The following LUC7L2 variants were observed in gnomAD, a reference collection of about 807,000 sequenced individuals.
LUC7L2 encodes LUC7 like 2, pre-mRNA splicing factor, also known as putative RNA-binding protein Luc7-like 2.
A neutral mutation model predicts 52.8 loss-of-function variants in LUC7L2; 25 were observed. The ratio of observed to expected loss-of-function variants is 0.47; its 90% CI spans 0.34 to 0.66. The LOEUF (loss-of-function observed/expected upper bound fraction) is 0.66. LUC7L2 is among the 30% of genes least tolerant of loss of function. The pLI, the probability that LUC7L2 is intolerant of heterozygous loss-of-function variation, is 0.01. For synonymous variants in LUC7L2, 144 were observed against 160.9 expected (o/e 0.89, Z 0.80); for missense variants, 328 against 497.8 (o/e 0.66, Z 3.25).
upstream of LUC7L2, chr7:139,359,114 T>C (rs927284941): frequency 2.0e-5 from 3 of 151,800 alleles, no homozygotes; most frequent in African/African-American, 2.4e-5. Flanking sequence ...CTACGAGGGG[T>C]AGAACTGAAG....
chr7:139,365,491 G>T (rs1216624358), intron 1 of LUC7L2, among the ~76,000 whole-genome samples: 1 of 152,156 alleles, frequency 6.6e-6, no homozygotes, highest in African/African-American at 2.4e-5. Context: ...CAATGGCCAT[G>T]AGGTGTCATG....
intron 2 of LUC7L2, among the ~76,000 whole-genome samples, chr7:139,382,811 G>A: frequency 6.6e-6 from 1 of 152,164 alleles, no homozygotes; most frequent in Non-Finnish European, 1.5e-5. Flanking sequence ...TTTATCCCAG[G>A]TGCACCTTTT....
intron 8 of LUC7L2, among the ~76,000 whole-genome samples, chr7:139,414,478 A>T (rs1795501534): frequency 6.6e-6 from 1 of 152,260 alleles, no homozygotes; most frequent in Non-Finnish European, 1.5e-5. Context: ...CGCAGGTTGG[A>T]CAAGCTTGGC....
intron 8 of LUC7L2, chr7:139,416,040 A>AACATAT (rs1795586924): frequency 1.0e-5 from 1 of 97,744 alleles, no homozygotes; most frequent in Non-Finnish European, 2.4e-5. Flanking sequence ...TGAGGTATAA[A>AACATAT]ATATATATAT....
In LUC7L2 at chr7:139,379,549, C is replaced by CTTTTTTTTTTTTTTTT. The variant is rs539771697; in HGVS notation, c.156+3416_156+3431dup. Reference sequence around the variant, plus strand: ...TTTCATTATTCTAGTATAACTAATGCTTTTTTTTTTTTTTTTTTTTTTTTT... The same window carrying CTTTTTTTTTTTTTTTT: ...TTTCATTATTCTAGTATAACTAATGCTTTTTTTTTTTTTTTTTTTTTTTTTTTTTTTTTTTTTTTTT... On this transcript the variant is annotated intron_variant, in intron 2 of 9. Coordinates refer to ENST00000354926, the MANE Select transcript of LUC7L2 (RefSeq NM_016019.5). 5.7e-5 allele frequency among the ~76,000 whole-genome samples: 3 copies of CTTTTTTTTTTTTTTTT among 52,684 alleles called. 1 individual carries two copies. Among genetic ancestry groups the CTTTTTTTTTTTTTTTT allele is most frequent in the African/African-American group, 2.6e-4 (3 of 11,422 alleles). 34.6% of individuals were successfully genotyped at this position (52,684 alleles called of 152,430 possible).
chr7:139,407,471 C>T, intron 6 of LUC7L2, 121 bp downstream of exon 6: 12 of 1,189,210 alleles, frequency 1.0e-5, no homozygotes, highest in South Asian at 2.3e-5. Flanking sequence ...TAATACTAAA[C>T]AGTGTAGGAT....
chr7:139,400,778 A>T (rs1794877519), intron 3 of LUC7L2, among the ~76,000 whole-genome samples: 1 of 152,178 alleles, frequency 6.6e-6, no homozygotes, highest in Admixed American at 6.5e-5. Context: ...TGCCATCTTT[A>T]TCTTTACATA....
chr7:139,416,334 C>G (rs1258408844), intron 8 of LUC7L2: 1 of 151,800 alleles, frequency 6.6e-6, no homozygotes, highest in Non-Finnish European at 1.5e-5. Context: ...AGTGTCTTAC[C>G]TTGTGGGTTT....
intron 1 of LUC7L2, among the ~76,000 whole-genome samples, chr7:139,349,858 T>G (rs1243021689): frequency 6.6e-6 from 1 of 152,206 alleles, no homozygotes; most frequent in East Asian, 1.9e-4. Context: ...ATTTTAGGTG[T>G]ACAGGTCAAT....
chr7:139,414,467 C>G (rs1795500924), intron 8 of LUC7L2, among the ~76,000 whole-genome samples: 1 of 152,250 alleles, frequency 6.6e-6, no homozygotes, highest in Non-Finnish European at 1.5e-5. Context: ...GGCTTGGAGG[C>G]CGCAGGTTGG....
intron 9 of LUC7L2, among the ~76,000 whole-genome samples, chr7:139,420,268 A>C (rs1352507206): frequency 6.6e-6 from 1 of 152,082 alleles, no homozygotes; most frequent in Non-Finnish European, 1.5e-5. Context: ...CAGTGGCGCG[A>C]TCTCGGCTCG....
intron 8 of LUC7L2, chr7:139,412,825 TAAAAAAAAAAA>T (rs10593094): frequency 2.4e-5 from 3 of 122,460 alleles, no homozygotes; most frequent in Non-Finnish European, 5.0e-5. Flanking sequence ...ACTCTGTCTT[TAAAAAAAAAAA>T]AAAAAAAAAA....
chr7:139,361,490 G>C (rs1274284525), intron 1 of LUC7L2, among the ~76,000 whole-genome samples: 5 of 152,220 alleles, frequency 3.3e-5, no homozygotes, highest in Non-Finnish European at 7.3e-5. Flanking sequence ...TCTTTCAGCA[G>C]TGCGTAGAGT....
chr7:139,422,550 G>T lies in LUC7L2; in HGVS notation c.*210G>T, dbSNP rs1795950797. ...TAGTTTCTGGTGAACCTGTAATACA[G>T]TTCTGAAAGTACAGTTTTATATAAT... On this transcript the variant is annotated 3_prime_UTR_variant, in exon 10 of 10. Transcript: ENST00000354926. 2.0e-6 allele frequency: 2 copies of T among 1,013,798 alleles called. No individual in the cohort carries two copies. The highest frequency in any genetic ancestry group is 2.6e-6 in the Non-Finnish European group (2 of 777,248). 62.8% of individuals were successfully genotyped at this position (1,013,798 alleles called of 1,614,324 possible).
At position 139,416,046 on chromosome 7, in the gene LUC7L2, T is replaced by C. The variant is rs1399542450; in HGVS notation, c.810-1492T>C. ...GAGTTTTATTGAGGTATAAAATATA[T>C]ATATATATATATATATATATATATA... On this transcript the variant is annotated intron_variant, in intron 8 of 9. Transcript: ENST00000354926. 4.1e-4 allele frequency: 5 copies of C among 12,310 alleles called. No homozygotes were observed. The African/African-American group carries it at 0.01, about 25-fold the overall frequency. 0.8% of individuals were successfully genotyped at this position (12,310 alleles called of 1,614,324 possible).
chr7:139,371,394 AGTT>A, intron 1 of LUC7L2: 1 of 1,086,406 alleles, frequency 9.2e-7, no homozygotes, highest in South Asian at 1.3e-5. Context: ...TAGCCTTCAC[AGTT>A]GTTGATCACA....
chr7:139,420,948 G>A (rs181357218), intron 9 of LUC7L2, among the ~76,000 whole-genome samples: 14 of 152,176 alleles, frequency 9.2e-5, no homozygotes, highest in Admixed American at 7.2e-4. Flanking sequence ...ACAGGCACAC[G>A]CCACCACTCT....
At chr7:139,358,227 G>C (rs765707219), upstream of LUC7L2, among the ~76,000 whole-genome samples, 1 of 149,252 alleles carries the variant, frequency 6.7e-6, no homozygotes, top group African/African-American at 2.5e-5. Context: ...GGCTGGTCTC[G>C]AACTCCTGAC....
intron 8 of LUC7L2, among the ~76,000 whole-genome samples, chr7:139,414,668 A>G (rs944046471): frequency 8.5e-5 from 13 of 152,304 alleles, no homozygotes; most frequent in African/African-American, 3.1e-4. Context: ...CATTCCAGCC[A>G]CACTGGTCTT....
Sources: allele counts gnomAD v4.1 joint callset (sites outside exome capture counted in the v4.1 genomes callset), GRCh38; gene constraint gnomAD v4.1.1; transcripts MANE v1.5; gene names NCBI Gene and HGNC (gene_info 2026-07-23, HGNC 2026-07-21).